ENOPH1: variants seen among roughly 807,000 people sequenced by gnomAD.
ENOPH1 encodes the protein enolase-phosphatase E1.
In ENOPH1, 14 loss-of-function variants were observed where a neutral mutation model predicts 31.1. The ratio of observed to expected loss-of-function variants is 0.45; its 90% confidence interval spans 0.30 to 0.70. The LOEUF (loss-of-function observed/expected upper bound fraction) is 0.70. Among genes scored for constraint, ENOPH1 ranks in the 30% least tolerant of loss-of-function variants. The pLI is 0.09. For missense variants in ENOPH1, 243 were observed against 321.5 expected (o/e 0.76, Z 1.87); for synonymous variants, 127 against 123.2 (o/e 1.03, Z -0.21).
intron 1 of ENOPH1, among the ~76,000 whole-genome samples, chr4:82,436,381 A>G (rs986283977): frequency 1.3e-5 from 2 of 152,156 alleles, no homozygotes; most frequent in African/African-American, 4.8e-5. Context: ...TCTTGCGTAT[A>G]TCAAGAGGTG....
rs556460180 is a variant in ENOPH1 at position 82,460,851 on chromosome 4, A to G, written c.*731A>G. On this transcript the variant is annotated 3_prime_UTR_variant, in exon 6 of 6. Transcript: ENST00000273920. The stretch of plus-strand genomic sequence containing the variant: ...GCCACGTGTTATCATTATAGATTTT[A>G]TAGTTGCCTTTCTAACTACTTAGCA... 5 of 152,370 alleles carry G rather than the reference A, an allele frequency of 3.3e-5. No individual in the cohort carries two copies. In the East Asian group the frequency reaches 9.6e-4, roughly 29 times the overall value. 9.4% of individuals were successfully genotyped at this position (152,370 alleles called of 1,614,324 possible). A position where few individuals can be genotyped will look rare whatever the true frequency, so the allele number is the denominator to read the frequency against.
chr4:82,443,193 T>C (rs1722086171), intron 1 of ENOPH1, among the ~76,000 whole-genome samples: 1 of 151,992 alleles, frequency 6.6e-6, no homozygotes, highest in African/African-American at 2.4e-5. Context: ...TGCCAGCACT[T>C]TGGGAGGCCG....
At chr4:82,430,963 T>C (rs1721731021) in intron 1 of ENOPH1, 50 bp downstream of exon 1, 2 of 1,546,664 alleles carry the variant, frequency 1.3e-6, no homozygotes, top group East Asian at 2.3e-5. Flanking sequence ...AAAACAGTTA[T>C]TATTTTTTCT....
chr4:82,455,549 G>C (rs2110047292), intron 4 of ENOPH1, among the ~76,000 whole-genome samples: 1 of 152,206 alleles, frequency 6.6e-6, no homozygotes, highest in African/African-American at 2.4e-5. Context: ...TGGAGGCCAA[G>C]GTGGGCGGAT....
chr4:82,432,389 G>C lies in ENOPH1; in HGVS notation c.84+1476G>C, dbSNP rs1344094716. 2.0e-5 allele frequency among the ~76,000 whole-genome samples: 3 copies of C among 152,330 alleles called. No individual in the cohort carries two copies. In the East Asian group the frequency reaches 5.8e-4, roughly 29 times the overall value. Reference sequence around the variant, plus strand: ...AGGCGGAGTCTCGCTCTGTTGCCCAGGCTGGAGTGCAGTGGTGTGAGCTCA... The same window carrying C: ...AGGCGGAGTCTCGCTCTGTTGCCCACGCTGGAGTGCAGTGGTGTGAGCTCA... On this transcript the variant is annotated intron_variant, in intron 1 of 5. Transcript: ENST00000273920.
chr4:82,454,599 G>C, intron 3 of ENOPH1, 123 bp from the exon 4 acceptor site: 1 of 1,057,414 alleles, frequency 9.5e-7, no homozygotes, highest in Non-Finnish European at 1.4e-6. Flanking sequence ...TGTAGTCTCA[G>C]GGAGCTGCTT....
rs1722509658 is a variant in ENOPH1, at chr4:82,457,054, CTTATA to C, written c.646+23_646+27del. 6.2e-7 allele frequency: 1 copy of C among 1,612,050 alleles called. No individual in the cohort carries two copies. The highest frequency in any genetic ancestry group is 1.1e-5 in the South Asian group (1 of 90,542). On this transcript the variant is annotated intron_variant, in intron 5 of 5. Transcript: ENST00000273920. Reference sequence around the variant, plus strand: ...GTTACTCGAGGTGAGTAATAGACTTCTTATATTATATACTCCAGGATATGAACTGA... The same window carrying C: ...GTTACTCGAGGTGAGTAATAGACTTCTTATATACTCCAGGATATGAACTGA...
At chr4:82,441,811 A>T (rs1722050386) in intron 1 of ENOPH1, among the ~76,000 whole-genome samples, 1 of 152,144 alleles carries the variant, frequency 6.6e-6, no homozygotes, top group Non-Finnish European at 1.5e-5. Context: ...TAAATTTAAA[A>T]AACCAAAAAA....
chr4:82,430,901 T>A lies in ENOPH1; in HGVS notation c.72T>A (p.Ile24=), dbSNP rs1344618837. Residue 24 remains isoleucine (I), a synonymous_variant, in exon 1 of 6, where the codon ATT becomes ATA. Coordinates refer to ENST00000273920, the MANE Select transcript of ENOPH1 (RefSeq NM_021204.5). ...LLDIEGTTTP[I]AFVKDILFPY... ...ATATCGAAGGTACCACAACCCCGAT[T>A]GCTTTCGTGAAGGTGAGGGGCGGAA... 1 of 1,614,158 alleles carries A rather than the reference T, an allele frequency of 6.2e-7. No homozygotes were observed. The highest frequency in any genetic ancestry group is 8.5e-7 in the Non-Finnish European group (1 of 1,179,968).
chr4:82,446,353 G>A (rs1578098267), intron 1 of ENOPH1, among the ~76,000 whole-genome samples: 1 of 148,462 alleles, frequency 6.7e-6, no homozygotes, highest in East Asian at 2.0e-4. Context: ...GGGAGGCGGA[G>A]GGAGGTTGCA....
At chr4:82,434,638 C>T (rs1302495108) in intron 1 of ENOPH1, among the ~76,000 whole-genome samples, 1 of 152,036 alleles carries the variant, frequency 6.6e-6, no homozygotes, top group Non-Finnish European at 1.5e-5. Context: ...CACTTGAACC[C>T]AGGAGGTGGA....
intron 3 of ENOPH1, among the ~76,000 whole-genome samples, chr4:82,452,900 C>CTT (rs761337281): frequency 5.2e-4 from 60 of 115,878 alleles, no homozygotes; most frequent in African/African-American, 9.0e-4. Context: ...CTGAGAAATT[C>CTT]TTTTTTTTTT....
At position 82,442,553 on chromosome 4, in the gene ENOPH1, C is replaced by G. The variant is rs112965964; in HGVS notation, c.85-5367C>G. On this transcript the variant is annotated intron_variant, in intron 1 of 5. Coordinates refer to ENST00000273920, the MANE Select transcript of ENOPH1 (RefSeq NM_021204.5). ...AAACAAAAAAAACACTGTCGGCAAT[C>G]TATGATTTTTTTTTTAACACTTAGT... 5.8e-3 allele frequency among the ~76,000 whole-genome samples: 875 copies of G among 150,580 alleles called. 5 individuals carry two copies. Among genetic ancestry groups the G allele is most frequent in the Non-Finnish European group, 9.7e-3 (655 of 67,734 alleles).
chr4:82,430,755 G>C lies in ENOPH1; in HGVS notation c.-75G>C. The C allele has an allele frequency of 2.1e-6, 3 of 1,438,622 alleles. No homozygotes were observed. The South Asian group carries it at 3.4e-5, about 17-fold the overall frequency. 89.1% of individuals were successfully genotyped at this position (1,438,622 alleles called of 1,614,324 possible). The stretch of plus-strand genomic sequence containing the variant: ...CGCCGGAAGCCCAAGACGGTACCGG[G>C]GGCCGCAGCCGCAGCCGGCGCCGCC... On this transcript the variant is annotated 5_prime_UTR_variant, in exon 1 of 6. Transcript: ENST00000273920.
chr4:82,453,362 A>G (rs554318004), intron 3 of ENOPH1, among the ~76,000 whole-genome samples: 2 of 152,290 alleles, frequency 1.3e-5, no homozygotes, highest in East Asian at 3.9e-4. Context: ...GATGGACTGG[A>G]ATTTCAGGAT....
intron 1 of ENOPH1, among the ~76,000 whole-genome samples, chr4:82,447,136 C>T (rs1722215813): frequency 6.6e-6 from 1 of 152,076 alleles, no homozygotes; most frequent in Admixed American, 6.6e-5. Context: ...CAGGCACCCG[C>T]CACCACACCT....
At chr4:82,431,356 T>C (rs912773867) in intron 1 of ENOPH1, among the ~76,000 whole-genome samples, 8 of 152,386 alleles carry the variant, frequency 5.2e-5, no homozygotes, top group African/African-American at 1.9e-4. Flanking sequence ...GACTGAAGTG[T>C]CAAGATGACT....
intron 1 of ENOPH1, among the ~76,000 whole-genome samples, chr4:82,447,512 T>A (rs926617374): frequency 1.4e-4 from 21 of 152,370 alleles, no homozygotes; most frequent in Middle Eastern, 6.8e-3. Flanking sequence ...TCTGGCCATC[T>A]AGTTCTGTAG....
At chr4:82,446,675 TTG>T (rs1309548029) in intron 1 of ENOPH1, among the ~76,000 whole-genome samples, 2 of 145,374 alleles carry the variant, frequency 1.4e-5, no homozygotes, top group Non-Finnish European at 1.5e-5. Flanking sequence ...TTTTTTTTTT[TTG>T]TGTGACGGAA....
Sources: allele counts gnomAD v4.1 joint callset (sites outside exome capture counted in the v4.1 genomes callset), GRCh38; gene constraint gnomAD v4.1.1; transcripts MANE v1.5; gene names NCBI Gene and HGNC (gene_info 2026-07-23, HGNC 2026-07-21).